Variants in HMX1 observed in about 807,000 individuals in gnomAD.
The protein encoded by HMX1 is homeobox protein HMX1.
HMX1 carries 8 observed loss-of-function variants against 8.9 expected under a neutral mutation model. The ratio of observed to expected loss-of-function variants is 0.90; its 90% CI spans 0.53 to 1.63. The LOEUF (loss-of-function observed/expected upper bound fraction) is 1.63, where lower values mean the gene tolerates loss of function less well. Among genes scored for constraint, HMX1 ranks in the 40% most tolerant of loss-of-function variants. HMX1 has a pLI of 0.00. For synonymous variants in HMX1, 311 were observed against 283.4 expected (o/e 1.10, Z -0.98); for missense variants, 621 against 558.5 (o/e 1.11, Z -1.13).
At chr4:8,864,323 G>A (rs1051120290), downstream of HMX1, among the ~76,000 whole-genome samples, 5 of 152,186 alleles carry the variant, frequency 3.3e-5, no homozygotes, top group African/African-American at 1.2e-4. Flanking sequence ...GATGTCCAGA[G>A]CCCGCTGCAC....
At chr4:8,860,637 C>T (rs1191142317) in intron 1 of HMX1, 3 of 152,306 alleles carry the variant, frequency 2.0e-5, no homozygotes, top group Non-Finnish European at 2.9e-5. Context: ...AGGCGGCCCG[C>T]CGTGTCTCCA....
chr4:8,867,866 C>A lies in HMX1; in HGVS notation c.874G>T (p.Ala292Ser), dbSNP rs1235263532. 63 of 1,260,888 alleles carry A rather than the reference C, an allele frequency of 5.0e-5. No homozygotes were observed. Among genetic ancestry groups the A allele is most frequent in the Non-Finnish European group, 6.2e-5 (62 of 1,005,040 alleles). 78.1% of individuals were successfully genotyped at this position (1,260,888 alleles called of 1,614,324 possible). ...GCCGGGGGCCCAGCGGCGGCTGCGG[C>A]CGGGGGGCTTTCGTGGTAGAGCACC... is the stretch of plus-strand genomic sequence containing the variant. ...VPVLYHESPPAAAAAGPPATL... is the reference protein window; with the variant it reads ...VPVLYHESPPSAAAAGPPATL... The change falls in exon 2 of 2, where the codon GCC (alanine) becomes TCC (serine). Residue 292 changes from alanine to serine, a missense_variant. Coordinates refer to ENST00000400677, the MANE Select transcript of HMX1 (RefSeq NM_018942.3).
At chr4:8,858,422 G>T (rs759829511) in intron 1 of HMX1, among the ~76,000 whole-genome samples, 23 of 152,224 alleles carry the variant, frequency 1.5e-4, no homozygotes, top group African/African-American at 2.4e-5. Context: ...AAAACAGGCC[G>T]GCGCGGCTGG....
rs1721347495 is a variant in HMX1, at chr4:8,848,710, A to G, written c.395-2386T>C. ...CAAGAACACAGATCTGCAGGCCACT[A>G]GAACCAAGCAAGATGCCAACATGCC... On this transcript the variant is annotated intron_variant, in intron 1 of 1. Transcript: ENST00000506970. This position sits in a 1 kb window ranked among gnomAD's most constrained non-coding sequence, Gnocchi z 4.1. 6.6e-6 allele frequency among the ~76,000 whole-genome samples: 1 copy of G among 152,200 alleles called. No individual in the cohort carries two copies. The highest frequency in any genetic ancestry group is 1.5e-5 in the Non-Finnish European group (1 of 68,030).
downstream of HMX1, among the ~76,000 whole-genome samples, chr4:8,866,134 G>A (rs1721988412): frequency 6.6e-6 from 1 of 152,222 alleles, no homozygotes; most frequent in African/African-American, 2.4e-5. Flanking sequence ...GCCGGGGCGG[G>A]GGCTGGGGCT....
At chr4:8,856,041 C>G (rs1472564991) in intron 1 of HMX1, among the ~76,000 whole-genome samples, 1 of 152,198 alleles carries the variant, frequency 6.6e-6, no homozygotes, top group Non-Finnish European at 1.5e-5. Flanking sequence ...GAAAAGGCCA[C>G]TAGTATAGAA....
At position 8,867,739 on chromosome 4, in the gene HMX1, G is replaced by C. The variant is rs752877327; in HGVS notation, c.1001C>G (p.Ala334Gly). Residue 334 changes from alanine (A) to glycine (G), a missense_variant, in exon 2 of 2, where the codon GCC becomes GGC. Coordinates refer to ENST00000400677, the MANE Select transcript of HMX1 (RefSeq NM_018942.3). ...LAYPLAAFPAAASVPFLRAQM... is the reference protein window; with the variant it reads ...LAYPLAAFPAGASVPFLRAQM... The stretch of plus-strand genomic sequence containing the variant: ...CGCCCGCAGAAAGGGCACGGAGGCG[G>C]CGGCCGGGAAGGCGGCCAGCGGGTA... 99 of 1,291,174 alleles carry C rather than the reference G, an allele frequency of 7.7e-5. 2 individuals carry two copies. In the South Asian group the frequency reaches 1.6e-3, roughly 20 times the overall value. The allele number at this position is 1,291,174 out of a possible 1,614,324, so 80.0% of individuals were successfully genotyped here. A position where few individuals can be genotyped will look rare whatever the true frequency, so the allele number is the denominator to read the frequency against.
At chr4:8,863,866 T>C (rs1247691322), downstream of HMX1, among the ~76,000 whole-genome samples, 1 of 152,184 alleles carries the variant, frequency 6.6e-6, no homozygotes, top group South Asian at 2.1e-4. Context: ...GAATCTCTGC[T>C]CTATAGTCAT....
At position 8,868,319 on chromosome 4, in the gene HMX1, C is replaced by A; in HGVS notation, c.421G>T (p.Gly141Cys). 1.4e-6 allele frequency: 2 copies of A among 1,432,754 alleles called. No individual in the cohort carries two copies. Among genetic ancestry groups the A allele is most frequent in the Non-Finnish European group, 1.8e-6 (2 of 1,098,564 alleles). The allele number at this position is 1,432,754 out of a possible 1,614,324, so 88.8% of individuals were successfully genotyped here. Reference protein sequence around the residue: ...DTSDRDSPETGEEMGRAEGAW... With the variant: ...DTSDRDSPETCEEMGRAEGAW... ...CCCTCCGCACGGCCCATCTCCTCGC[C>A]CGTCTCCGGTGAGTCCCGGTCGCTG... is the stretch of plus-strand genomic sequence containing the variant. Residue 141 changes from glycine to cysteine, a missense_variant, in exon 2 of 2, where the codon GGC (glycine) becomes TGC (cysteine). Transcript: ENST00000400677. This position sits in a 1 kb window ranked among gnomAD's most constrained non-coding sequence, Gnocchi z 4.6.
intron 1 of HMX1, among the ~76,000 whole-genome samples, chr4:8,855,870 G>C (rs938130467): frequency 3.3e-5 from 5 of 152,136 alleles, no homozygotes; most frequent in African/African-American, 1.2e-4. Flanking sequence ...AGGATCCAGC[G>C]GGAGCTGGAA....
Position 8,849,659 on chromosome 4 carries a change from C to A in HMX1, c.395-3335G>T, listed in dbSNP as rs908260898. Among the ~76,000 whole-genome samples the A allele has an allele frequency of 6.6e-6, 1 of 152,220 alleles. No homozygotes were observed. The highest frequency in any genetic ancestry group is 1.5e-5 in the Non-Finnish European group (1 of 68,038). On this transcript the variant is annotated intron_variant, in intron 1 of 1. Coordinates refer to the HMX1 transcript ENST00000506970. The surrounding 1 kb of genome is among the most constrained non-coding windows in gnomAD (Gnocchi z 6.6). ...CAGGGCAGCTCTCCTGGGGTCCCCC[C>A]GGCCCCAGCGTGCGGTCTTCAACTG...
At chr4:8,846,392 G>C (rs1721278764) in intron 1 of HMX1, 3 of 1,245,026 alleles carry the variant, frequency 2.4e-6, no homozygotes, top group Non-Finnish European at 3.3e-6. Context: ...GCTAATCCTG[G>C]ATGCTCCACT....
chr4:8,856,469 A>G (rs1413388903), intron 1 of HMX1, among the ~76,000 whole-genome samples: 1 of 152,098 alleles, frequency 6.6e-6, no homozygotes, highest in African/African-American at 2.4e-5. Context: ...GACTAGGAGG[A>G]GGAGAAGAGG....
At chr4:8,860,787 C>G (rs539179000) in intron 1 of HMX1, 1 of 152,514 alleles carries the variant, frequency 6.6e-6, no homozygotes, top group South Asian at 2.1e-4. Flanking sequence ...GCTCACCGCC[C>G]TTCTCGGGGT....
At chr4:8,850,175 GGAA>G (rs1212427202) in intron 1 of HMX1, among the ~76,000 whole-genome samples, 1 of 152,052 alleles carries the variant, frequency 6.6e-6, no homozygotes, top group Admixed American at 6.5e-5. Flanking sequence ...CAGACCGCTG[GGAA>G]ACAGATGGGG....
At chr4:8,864,887 C>T (rs549523311), downstream of HMX1, among the ~76,000 whole-genome samples, 19 of 152,306 alleles carry the variant, frequency 1.2e-4, no homozygotes, top group South Asian at 4.1e-4. Context: ...CTCTCCAGCC[C>T]GATTTTTAAT....
chr4:8,862,521 C>T (rs1054572072), downstream of HMX1, among the ~76,000 whole-genome samples: 32 of 152,176 alleles, frequency 2.1e-4, 1 homozygote, highest in Admixed American at 1.8e-3. Flanking sequence ...TTTGTACTAA[C>T]TTATTTTTGT....
At chr4:8,866,747 A>C (rs1722011074), downstream of HMX1, among the ~76,000 whole-genome samples, 2 of 152,212 alleles carry the variant, frequency 1.3e-5, no homozygotes, top group African/African-American at 4.8e-5. Flanking sequence ...AGCGGCCATC[A>C]GTGGGCCTCT....
intron 1 of HMX1, among the ~76,000 whole-genome samples, chr4:8,869,523 C>T (rs1722140307): frequency 6.6e-6 from 1 of 152,240 alleles, no homozygotes; most frequent in Non-Finnish European, 1.5e-5. Flanking sequence ...TTTGCACGCT[C>T]ATGCAAGGGG....
Sources: allele counts gnomAD v4.1 joint callset (sites outside exome capture counted in the v4.1 genomes callset), GRCh38; gene constraint gnomAD v4.1.1; non-coding constraint Gnocchi (gnomAD v3.1); transcripts MANE v1.5; gene names NCBI Gene and HGNC (gene_info 2026-07-23, HGNC 2026-07-21).